The following SPAST variants were observed in gnomAD, a reference collection of about 807,000 sequenced individuals.
SPAST encodes the protein spastin, also known as spastic paraplegia 4 (autosomal dominant; spastin).
A neutral mutation model predicts 76.6 loss-of-function variants in SPAST; 30 were observed. That is an observed-to-expected ratio of 0.39 (90% CI 0.29 to 0.53). The LOEUF (loss-of-function observed/expected upper bound fraction) is 0.53, where lower values mean the gene tolerates loss of function less well. SPAST is among the 20% of genes least tolerant of loss of function. The pLI is 0.68. For missense variants in SPAST, 717 were observed against 770.5 expected (o/e 0.93, Z 0.82); for synonymous variants, 305 against 281.0 (o/e 1.09, Z -0.86).
chr2:32,147,316 A>T, intron 16 of SPAST, 58 bp downstream of exon 16: 1 of 1,047,672 alleles, frequency 9.5e-7, no homozygotes, highest in Non-Finnish European at 1.5e-6. Flanking sequence ...CATATATAAG[A>T]CATACATATA....
chr2:32,121,960 A>G (rs988316326), intron 7 of SPAST, among the ~76,000 whole-genome samples: 5 of 152,076 alleles, frequency 3.3e-5, no homozygotes, highest in African/African-American at 1.2e-4. Context: ...TTTTTGCCTT[A>G]AGCTTTTTCA....
chr2:32,074,587 G>A (rs57297347), intron 1 of SPAST, among the ~76,000 whole-genome samples: 195 of 151,808 alleles, frequency 1.3e-3, no homozygotes, highest in African/African-American at 4.5e-3. Context: ...GCTCACTGCA[G>A]CCTCTGCCTC....
chr2:32,082,535 A>G (rs898854176), intron 1 of SPAST, among the ~76,000 whole-genome samples: 2 of 151,978 alleles, frequency 1.3e-5, no homozygotes, highest in Admixed American at 6.6e-5. Context: ...CGTCTCTACT[A>G]AAAATACAAA....
chr2:32,131,531 T>C (rs1483224883), intron 9 of SPAST, among the ~76,000 whole-genome samples: 5 of 152,130 alleles, frequency 3.3e-5, no homozygotes, highest in Admixed American at 6.6e-5. Context: ...ATAGATATTA[T>C]TCTCATAGCT....
At chr2:32,102,617 A>G (rs1323260401) in intron 4 of SPAST, among the ~76,000 whole-genome samples, 2 of 152,160 alleles carry the variant, frequency 1.3e-5, no homozygotes, top group Non-Finnish European at 2.9e-5. Context: ...TGTCATAAAT[A>G]GCTCTTATTA....
At chr2:32,114,518 T>G (rs902256615) in intron 4 of SPAST, 120 bp from the exon 5 acceptor site, 2 of 780,782 alleles carry the variant, frequency 2.6e-6, no homozygotes, top group Admixed American at 4.7e-5. Flanking sequence ...ATTGAAATCT[T>G]ATTTTGAAAT....
chr2:32,108,240 TG>T (rs1326181498), intron 4 of SPAST, among the ~76,000 whole-genome samples: 1 of 152,166 alleles, frequency 6.6e-6, no homozygotes, highest in Non-Finnish European at 1.5e-5. Flanking sequence ...GTGTAGTTAC[TG>T]AAATTAAAAA....
chr2:32,072,855 G>T (rs2148694949), intron 1 of SPAST, among the ~76,000 whole-genome samples: 1 of 152,120 alleles, frequency 6.6e-6, no homozygotes, highest in East Asian at 1.9e-4. Context: ...GCTTTCTTTG[G>T]GCCTAATGAT....
intron 4 of SPAST, among the ~76,000 whole-genome samples, chr2:32,104,105 C>T (rs1678226930): frequency 6.6e-6 from 1 of 152,112 alleles, no homozygotes; most frequent in South Asian, 2.1e-4. Flanking sequence ...TTGTAGGTCT[C>T]TAGGGACTTG....
At chr2:32,100,103 G>T (rs1678063415) in intron 4 of SPAST, among the ~76,000 whole-genome samples, 1 of 152,108 alleles carries the variant, frequency 6.6e-6, no homozygotes, top group South Asian at 2.1e-4. Context: ...CTCCATAGTA[G>T]CTGTACTAGT....
At chr2:32,083,526 G>T (rs1419375518) in intron 1 of SPAST, among the ~76,000 whole-genome samples, 2 of 150,566 alleles carry the variant, frequency 1.3e-5, no homozygotes, top group African/African-American at 4.9e-5. Context: ...TCAAAATTGG[G>T]TGCATTGTTG....
At chr2:32,137,860 T>G (rs1331953282) in intron 12 of SPAST, among the ~76,000 whole-genome samples, 1 of 152,206 alleles carries the variant, frequency 6.6e-6, no homozygotes, top group Non-Finnish European at 1.5e-5. Context: ...CCCATGTTTA[T>G]GTCCATGTGT....
intron 4 of SPAST, among the ~76,000 whole-genome samples, chr2:32,106,664 A>T (rs1436999068): frequency 6.6e-6 from 1 of 152,172 alleles, no homozygotes; most frequent in African/African-American, 2.4e-5. Flanking sequence ...GGATTTCTAT[A>T]GACAGAAGAA....
chr2:32,113,655 T>A (rs1362702906), intron 4 of SPAST, among the ~76,000 whole-genome samples: 1 of 140,170 alleles, frequency 7.1e-6, no homozygotes, highest in Non-Finnish European at 1.5e-5. Context: ...AACCTCCGCC[T>A]CCTGAGTTCA....
intron 9 of SPAST, chr2:32,130,225 G>C (rs886725794): frequency 3.3e-5 from 5 of 152,210 alleles, no homozygotes; most frequent in African/African-American, 9.7e-5. Flanking sequence ...AGTCAAGGAG[G>C]TTGAGGTTGC....
chr2:32,108,832 C>G (rs557867974), intron 4 of SPAST, among the ~76,000 whole-genome samples: 69 of 126,438 alleles, frequency 5.5e-4, no homozygotes, highest in Non-Finnish European at 8.9e-4. Flanking sequence ...GTGGCGCGAT[C>G]TGGGCTCACT....
chr2:32,147,930 CT>C (rs71407420), intron 16 of SPAST, among the ~76,000 whole-genome samples: 105 of 116,436 alleles, frequency 9.0e-4, no homozygotes, highest in African/African-American at 1.4e-3. Flanking sequence ...TGCGCCCGGC[CT>C]TTTTTTTTTT....
At chr2:32,086,508 A>T (rs555540032) in intron 1 of SPAST, among the ~76,000 whole-genome samples, 2 of 151,752 alleles carry the variant, frequency 1.3e-5, no homozygotes, top group South Asian at 2.1e-4. Flanking sequence ...CACCTCTGTA[A>T]TCTGAGCACT....
chr2:32,090,065 A>G (rs1252330587), intron 3 of SPAST, among the ~76,000 whole-genome samples: 2 of 152,228 alleles, frequency 1.3e-5, no homozygotes, highest in Non-Finnish European at 2.9e-5. Flanking sequence ...CGCCCAGCCG[A>G]GCATAATGAA....
Sources: allele counts gnomAD v4.1 joint callset (sites outside exome capture counted in the v4.1 genomes callset), GRCh38; gene constraint gnomAD v4.1.1; transcripts MANE v1.5; gene names NCBI Gene and HGNC (gene_info 2026-07-23, HGNC 2026-07-21).